ATXN1: variants seen among roughly 807,000 people sequenced by gnomAD.
The protein encoded by ATXN1 is ataxin 1, also known as ataxin-1.
ATXN1 carries 8 observed loss-of-function variants against 56.4 expected under a neutral mutation model. That is an observed-to-expected ratio of 0.14 (90% CI 0.08 to 0.26). The LOEUF is 0.26. ATXN1 is among the 10% of genes least tolerant of loss of function. The pLI is 1.00. For missense variants in ATXN1, 987 were observed against 1,106.5 expected (o/e 0.89, Z 1.53); for synonymous variants, 514 against 494.6 (o/e 1.04, Z -0.52).
Position 16,747,403 on chromosome 6 carries a change from A to T in ATXN1, c.-615+5830T>A, listed in dbSNP as rs546169624. On this transcript the variant is annotated intron_variant, in intron 2 of 7. Coordinates refer to ENST00000436367, the MANE Select transcript of ATXN1 (RefSeq NM_001128164.2). ...CTGTTAAGTAACTCATCAGAAAATA[A>T]AGAGGGAATTACCAAAGGGGAATTG... Among the ~76,000 whole-genome samples, 3 of 152,308 alleles carry T rather than the reference A, an allele frequency of 2.0e-5. No individual in the cohort carries two copies. The South Asian group carries it at 6.2e-4, about 32-fold the overall frequency.
chr6:16,505,814 G>A (rs962754128), intron 5 of ATXN1, among the ~76,000 whole-genome samples: 6 of 152,122 alleles, frequency 3.9e-5, no homozygotes, highest in Admixed American at 1.3e-4. Context: ...ACTACTATGC[G>A]TCTATCTTTT....
At chr6:16,505,858 G>A (rs1441180725) in intron 5 of ATXN1, among the ~76,000 whole-genome samples, 2 of 152,150 alleles carry the variant, frequency 1.3e-5, no homozygotes, top group Non-Finnish European at 2.9e-5. Context: ...TGCTTCACTT[G>A]CCAGAGTAAA....
At chr6:16,687,399 GAA>G (rs529475689) in intron 2 of ATXN1, among the ~76,000 whole-genome samples, 1 of 151,172 alleles carries the variant, frequency 6.6e-6, no homozygotes, top group African/African-American at 2.4e-5. Context: ...TAAGAAACAG[GAA>G]AAAAAATCAT....
intron 7 of ATXN1, among the ~76,000 whole-genome samples, chr6:16,316,435 A>T (rs1323882772): frequency 6.6e-6 from 1 of 152,122 alleles, no homozygotes; most frequent in East Asian, 1.9e-4. Flanking sequence ...CTAGCAAGTA[A>T]TAGGTGCTCA....
chr6:16,409,289 T>C (rs1368459114), intron 6 of ATXN1, among the ~76,000 whole-genome samples: 4 of 146,494 alleles, frequency 2.7e-5, no homozygotes, highest in Non-Finnish European at 6.1e-5. Flanking sequence ...GTCCTCTTTA[T>C]GAAACTAAAA....
intron 3 of ATXN1, among the ~76,000 whole-genome samples, chr6:16,641,436 G>C (rs541290371): frequency 6.6e-6 from 1 of 152,308 alleles, no homozygotes; most frequent in Non-Finnish European, 1.5e-5. Context: ...AAAAATCCTA[G>C]AGCCCTAATA....
Position 16,301,027 on chromosome 6 carries a change from A to C in ATXN1, c.*5302T>G, listed in dbSNP as rs1265663625. ...AGGCCATAACCATACAAATCTGATC[A>C]TTTAGACATGACAAATTTCTATATA... On this transcript the variant is annotated 3_prime_UTR_variant, in exon 8 of 8. Transcript: ENST00000436367. 1 of 152,470 alleles carries C rather than the reference A, an allele frequency of 6.6e-6. No homozygotes were observed. The highest frequency in any genetic ancestry group is 1.5e-5 in the Non-Finnish European group (1 of 68,014). The allele number at this position is 152,470 out of a possible 1,614,324, so 9.4% of individuals were successfully genotyped here.
chr6:16,531,970 T>C (rs940584443), intron 4 of ATXN1, among the ~76,000 whole-genome samples: 2 of 152,196 alleles, frequency 1.3e-5, no homozygotes, highest in African/African-American at 4.8e-5. Flanking sequence ...ACTTTTTCTA[T>C]AAAGGACCAG....
intron 6 of ATXN1, among the ~76,000 whole-genome samples, chr6:16,355,557 AC>A (rs1169763323): frequency 3.6e-5 from 3 of 82,962 alleles, no homozygotes; most frequent in African/African-American, 1.1e-4. Flanking sequence ...ATACTCACCC[AC>A]CCTTTTTTTT....
intron 6 of ATXN1, among the ~76,000 whole-genome samples, chr6:16,415,370 C>T (rs370711406): frequency 1.3e-4 from 20 of 152,096 alleles, no homozygotes; most frequent in South Asian, 4.1e-4. Context: ...GCTGGAACTA[C>T]GGCACCTGCC....
intron 6 of ATXN1, chr6:16,432,841 G>A (rs1217794436): frequency 2.0e-5 from 3 of 151,940 alleles, no homozygotes; most frequent in African/African-American, 7.3e-5. Flanking sequence ...GCCAATGTCT[G>A]GGCTGACATT....
chr6:16,616,194 A>G (rs185323823), intron 3 of ATXN1: 2 of 152,308 alleles, frequency 1.3e-5, no homozygotes, highest in East Asian at 3.9e-4. Context: ...GTTATTGTCT[A>G]CTTAGAATAT....
intron 2 of ATXN1, among the ~76,000 whole-genome samples, chr6:16,673,247 C>G (rs1758585551): frequency 6.6e-6 from 1 of 152,142 alleles, no homozygotes; most frequent in Non-Finnish European, 1.5e-5. Context: ...AACACAGGTG[C>G]TTTGAAGAAA....
chr6:16,326,066 A>G lies in ATXN1; in HGVS notation c.1917+328T>C, dbSNP rs894979220. ...CCGAATGACCACTAGAAGGACCTGA[A>G]GTCCAGCAGCGTTTCCTAATCAGGG... On this transcript the variant is annotated intron_variant, in intron 7 of 7. Coordinates refer to ENST00000436367, the MANE Select transcript of ATXN1 (RefSeq NM_001128164.2). This position sits in a 1 kb window ranked among gnomAD's most constrained non-coding sequence, Gnocchi z 6.6. 2.0e-5 allele frequency among the ~76,000 whole-genome samples: 3 copies of G among 152,208 alleles called. No homozygotes were observed. Among genetic ancestry groups the G allele is most frequent in the African/African-American group, 7.2e-5 (3 of 41,436 alleles).
intron 6 of ATXN1, among the ~76,000 whole-genome samples, chr6:16,421,144 C>T (rs937054649): frequency 6.6e-6 from 1 of 152,134 alleles, no homozygotes; most frequent in Non-Finnish European, 1.5e-5. Flanking sequence ...TTAGGTTCTT[C>T]CAACTTAAGT....
chr6:16,496,572 C>G (rs56073887), intron 5 of ATXN1, among the ~76,000 whole-genome samples: 2,536 of 152,170 alleles, frequency 0.017, 33 homozygotes, highest in Non-Finnish European at 0.024. Flanking sequence ...GGACCCTGTA[C>G]TCCACTTGCT....
chr6:16,454,141 A>C (rs1455877518), intron 6 of ATXN1, among the ~76,000 whole-genome samples: 1 of 84,954 alleles, frequency 1.2e-5, no homozygotes, highest in African/African-American at 2.9e-5. Flanking sequence ...AAAAAAAAAA[A>C]AAAAAAAAAA....
At chr6:16,352,309 T>C (rs1441528861) in intron 6 of ATXN1, among the ~76,000 whole-genome samples, 1 of 152,040 alleles carries the variant, frequency 6.6e-6, no homozygotes, top group Non-Finnish European at 1.5e-5. Context: ...CACAGAAAGC[T>C]CTCAACGGAG....
At chr6:16,484,894 C>T (rs1760509255) in intron 6 of ATXN1, among the ~76,000 whole-genome samples, 1 of 149,952 alleles carries the variant, frequency 6.7e-6, no homozygotes. Flanking sequence ...ATAGGTAATA[C>T]ATGTTCAAAA....
Sources: allele counts gnomAD v4.1 joint callset (sites outside exome capture counted in the v4.1 genomes callset), GRCh38; gene constraint gnomAD v4.1.1; non-coding constraint Gnocchi (gnomAD v3.1); transcripts MANE v1.5; gene names NCBI Gene and HGNC (gene_info 2026-07-23, HGNC 2026-07-21).